The following PSAT1 variants were observed in gnomAD, a reference collection of about 807,000 sequenced individuals.
The protein encoded by PSAT1 is phosphoserine aminotransferase.
A neutral mutation model predicts 40.3 loss-of-function variants in PSAT1; 41 were observed. The observed-to-expected ratio is 1.02, with a 90% CI of 0.79 to 1.32. The LOEUF (loss-of-function observed/expected upper bound fraction) is 1.32. Among genes scored for constraint, PSAT1 ranks in the 40% most tolerant of loss-of-function variants. PSAT1 has a pLI of 0.00. For missense variants in PSAT1, 406 were observed against 455.8 expected (o/e 0.89, Z 0.99); for synonymous variants, 147 against 170.5 (o/e 0.86, Z 1.07).
In PSAT1 at chr9:78,297,207, C is replaced by T; in HGVS notation, c.-4C>T. On this transcript the variant is annotated 5_prime_UTR_variant, in exon 1 of 9. Transcript: ENST00000376588. Reference sequence around the variant, plus strand: ...GGCTGACTCACCGCCCTGGCCGCCGCACCATGGACGCCCCCAGGCAGGTGG... The same window carrying T: ...GGCTGACTCACCGCCCTGGCCGCCGTACCATGGACGCCCCCAGGCAGGTGG... The T allele has an allele frequency of 6.3e-7, 1 of 1,599,066 alleles. No individual in the cohort carries two copies. Among genetic ancestry groups the T allele is most frequent in the Non-Finnish European group, 8.5e-7 (1 of 1,176,882 alleles).
intron 6 of PSAT1, among the ~76,000 whole-genome samples, chr9:78,316,499 C>T (rs577347823): frequency 1.3e-5 from 2 of 152,284 alleles, no homozygotes; most frequent in Admixed American, 1.3e-4. Context: ...TTTTTCTGCT[C>T]TCCCCACTCT....
chr9:78,302,588 G>A (rs1828122464), intron 3 of PSAT1, among the ~76,000 whole-genome samples: 1 of 152,088 alleles, frequency 6.6e-6, no homozygotes, highest in African/African-American at 2.4e-5. Context: ...GAAAAAATTA[G>A]CTGGGCATGG....
chr9:78,299,870 G>A (rs915221874), intron 1 of PSAT1, among the ~76,000 whole-genome samples: 1 of 151,944 alleles, frequency 6.6e-6, no homozygotes, highest in South Asian at 2.1e-4. Context: ...TCCAGTTTAG[G>A]TTATAGCTGT....
At chr9:78,308,263 A>T in intron 5 of PSAT1, 151 bp from the exon 6 acceptor site, 1 of 890,424 alleles carries the variant, frequency 1.1e-6, no homozygotes, top group Non-Finnish European at 1.8e-6. Context: ...TGCTGTCCAC[A>T]TGGAGATTGC....
intron 7 of PSAT1, among the ~76,000 whole-genome samples, chr9:78,326,577 AT>A (rs997246750): frequency 1.3e-5 from 2 of 152,176 alleles, no homozygotes; most frequent in African/African-American, 2.4e-5. Flanking sequence ...TAAAATAAAA[AT>A]TTTTAAAAAG....
rs908759049 is a variant in PSAT1 at position 78,304,815 on chromosome 9, T to C, written c.272T>C (p.Ile91Thr). 8 of 1,614,102 alleles carry C rather than the reference T, an allele frequency of 5.0e-6. No individual in the cohort carries two copies. Among genetic ancestry groups the C allele is most frequent in the African/African-American group, 2.7e-5 (2 of 74,924 alleles). ...TTCAGTGCTGTCCCCTTAAACCTCA[T>C]TGGCTTGAAAGCAGGAAGGTGTGCT... ...GQFSAVPLNL[I>T]GLKAGRCADY... The change falls in exon 4 of 9, where the codon ATT becomes ACT. Residue 91 changes from isoleucine to threonine, a missense_variant. Transcript: ENST00000376588.
intron 6 of PSAT1, 109 bp from the exon 7 acceptor site, chr9:78,317,567 A>T (rs1334306007): frequency 1.2e-5 from 15 of 1,300,182 alleles, no homozygotes; most frequent in Non-Finnish European, 1.7e-5. Context: ...TCTATTTCAA[A>T]TAATGTGTTT....
chr9:78,315,753 T>C (rs1434377070), intron 6 of PSAT1, among the ~76,000 whole-genome samples: 1 of 152,222 alleles, frequency 6.6e-6, no homozygotes, highest in Non-Finnish European at 1.5e-5. Context: ...ACCCAGGCCT[T>C]GGGTCCCACT....
Position 78,304,880 on chromosome 9 carries a change from G to C in PSAT1, c.337G>C (p.Glu113Gln). The C allele has an allele frequency of 6.2e-7, 1 of 1,613,974 alleles. No homozygotes were observed. Among genetic ancestry groups the C allele is most frequent in the Non-Finnish European group, 8.5e-7 (1 of 1,180,046 alleles). ...AGGAGCTTGGTCAGCTAAGGCCGCAGAAGAAGCCAAGAAGTTTGGGACTAT... is the reference window on the plus strand; with the variant it reads ...AGGAGCTTGGTCAGCTAAGGCCGCACAAGAAGCCAAGAAGTTTGGGACTAT... Reference protein sequence around the residue: ...VTGAWSAKAAEEAKKFGTINI... With the variant: ...VTGAWSAKAAQEAKKFGTINI... Residue 113 changes from glutamate (E) to glutamine (Q), a missense_variant, in exon 4 of 9, where the codon GAA becomes CAA. Physicochemically the swap from Glu to Gln is conservative, Grantham distance 29 (BLOSUM62 2). Coordinates refer to ENST00000376588, the MANE Select transcript of PSAT1 (RefSeq NM_058179.4).
chr9:78,327,036 A>G (rs1206758005), intron 7 of PSAT1, among the ~76,000 whole-genome samples: 1 of 144,228 alleles, frequency 6.9e-6, no homozygotes, highest in Non-Finnish European at 1.5e-5. Context: ...GCTCACTGCA[A>G]TCTCCACCTC....
At chr9:78,316,896 A>T (rs1300209028) in intron 6 of PSAT1, among the ~76,000 whole-genome samples, 1 of 152,208 alleles carries the variant, frequency 6.6e-6, no homozygotes, top group Admixed American at 6.5e-5. Context: ...TTCCAAGACC[A>T]CAGAGGCCAA....
At chr9:78,304,693 A>G in intron 3 of PSAT1, 42 bp from the exon 4 acceptor site, 1 of 1,550,590 alleles carries the variant, frequency 6.4e-7, no homozygotes, top group Non-Finnish European at 8.9e-7. Context: ...ATCTTTGACC[A>G]CATGAGTTTA....
chr9:78,301,198 C>T (rs1268873288), intron 2 of PSAT1, among the ~76,000 whole-genome samples: 2 of 152,144 alleles, frequency 1.3e-5, no homozygotes, highest in Admixed American at 1.3e-4. Context: ...GAGGTTCTGA[C>T]ATCTCAGCTT....
intron 7 of PSAT1, among the ~76,000 whole-genome samples, chr9:78,322,289 A>G (rs967346007): frequency 3.9e-5 from 6 of 152,178 alleles, no homozygotes; most frequent in African/African-American, 1.2e-4. Context: ...CTAAAATAAA[A>G]TGAAGCAGGC....
chr9:78,300,071 C>G (rs971166613), intron 1 of PSAT1, among the ~76,000 whole-genome samples: 5 of 152,086 alleles, frequency 3.3e-5, no homozygotes, highest in Admixed American at 1.3e-4. Flanking sequence ...CTCCAAGGAC[C>G]CATCTCTGAG....
At chr9:78,323,432 T>G (rs1419224718) in intron 7 of PSAT1, among the ~76,000 whole-genome samples, 1 of 151,828 alleles carries the variant, frequency 6.6e-6, no homozygotes, top group Non-Finnish European at 1.5e-5. Context: ...AATAAAAAAT[T>G]AGCCGGGTGT....
chr9:78,327,416 C>T (rs1828517039), intron 7 of PSAT1, among the ~76,000 whole-genome samples: 1 of 152,166 alleles, frequency 6.6e-6, no homozygotes, highest in African/African-American at 2.4e-5. Flanking sequence ...TCCACCTCTT[C>T]TTATTTTTAA....
At chr9:78,313,910 G>T (rs1828303182) in intron 6 of PSAT1, among the ~76,000 whole-genome samples, 1 of 152,176 alleles carries the variant, frequency 6.6e-6, no homozygotes, top group African/African-American at 2.4e-5. Flanking sequence ...GCCGTCCAAA[G>T]TGTTGGGATT....
intron 7 of PSAT1, among the ~76,000 whole-genome samples, chr9:78,322,163 A>G (rs1038116229): frequency 6.6e-6 from 1 of 150,964 alleles, no homozygotes; most frequent in African/African-American, 2.4e-5. Flanking sequence ...ATTTTATTAT[A>G]TAAGGATGTC....
Sources: allele counts gnomAD v4.1 joint callset (sites outside exome capture counted in the v4.1 genomes callset), GRCh38; gene constraint gnomAD v4.1.1; transcripts MANE v1.5; gene names NCBI Gene and HGNC (gene_info 2026-07-23, HGNC 2026-07-21).